MAP3K10: variants seen among roughly 807,000 people sequenced by gnomAD.
MAP3K10 encodes the protein MKN28 derived nonreceptor_type serine/threonine kinase.
Under a neutral mutation model 75.0 loss-of-function variants are expected in MAP3K10, and 22 were observed. The ratio of observed to expected loss-of-function variants is 0.29; its 90% CI spans 0.21 to 0.42. The LOEUF (loss-of-function observed/expected upper bound fraction) is 0.42, where lower values mean the gene tolerates loss of function less well. Ranked by LOEUF, MAP3K10 falls within the 10% of genes least tolerant of loss-of-function variation. The pLI is 1.00. For synonymous variants in MAP3K10, 599 were observed against 612.9 expected (o/e 0.98, Z 0.34); for missense variants, 1,165 against 1,379.8 (o/e 0.84, Z 2.47).
intron 2 of MAP3K10, among the ~76,000 whole-genome samples, chr19:40,199,311 T>C (rs2145075300): frequency 6.6e-6 from 1 of 152,306 alleles, no homozygotes. Context: ...TTTATAAAGC[T>C]GTTTTTTAAG....
chr19:40,197,515 G>A (rs1972929002), intron 1 of MAP3K10, among the ~76,000 whole-genome samples: 1 of 151,994 alleles, frequency 6.6e-6, no homozygotes, highest in Non-Finnish European at 1.5e-5. Context: ...TAGTAGAGAT[G>A]AGGTTTCACC....
In MAP3K10 at chr19:40,203,414, C is replaced by T. The variant is rs190472537; in HGVS notation, c.864-1071C>T. On this transcript the variant is annotated intron_variant, in intron 2 of 9. Coordinates refer to ENST00000253055, the MANE Select transcript of MAP3K10 (RefSeq NM_002446.4). The stretch of plus-strand genomic sequence containing the variant: ...GGGATCTACTCCAGGATAAACACCA[C>T]ACAGAATGGCCATCAGGATCTGGGA... Among the ~76,000 whole-genome samples, 83 of 152,226 alleles carry T rather than the reference C, an allele frequency of 5.5e-4. 1 individual carries two copies. Among genetic ancestry groups the T allele is most frequent in the Admixed American group, 5.4e-3 (82 of 15,294 alleles).
intron 5 of MAP3K10, among the ~76,000 whole-genome samples, chr19:40,208,602 C>A (rs912448815): frequency 2.6e-5 from 4 of 151,074 alleles, no homozygotes; most frequent in Non-Finnish European, 5.9e-5. Context: ...CTTTGGGAGG[C>A]GGATGCTGGA....
At position 40,214,095 on chromosome 19, in the gene MAP3K10, C is replaced by A. The variant is rs1018151991; in HGVS notation, c.2416C>A (p.Pro806Thr). 2 of 1,566,064 alleles carry A rather than the reference C, an allele frequency of 1.3e-6. No individual in the cohort carries two copies. The highest frequency in any genetic ancestry group is 1.7e-6 in the Non-Finnish European group (2 of 1,164,342). Residue 806 changes from proline to threonine, a missense_variant, in exon 9 of 10, where the codon CCC (proline) becomes ACC (threonine). Around this residue, in one of 2 missense-constraint regions of MAP3K10, gnomAD observed 590 missense variants for 586.6 expected, o/e 1.01. Coordinates refer to ENST00000253055, the MANE Select transcript of MAP3K10 (RefSeq NM_002446.4). ...GGAGCTGGAGAGCTTCAAGAAGGAC[C>A]CCCGCCAGTCGCTCACGCCCACCCA... The part of the protein sequence containing the change: ...DLELESFKKD[P>T]RQSLTPTHVT...
chr19:40,195,471 C>CTTT lies in MAP3K10; in HGVS notation c.682+2793_682+2795dup, dbSNP rs61289931. Among the ~76,000 whole-genome samples, 388 of 48,636 alleles carry CTTT rather than the reference C, an allele frequency of 8.0e-3. 116 individuals are homozygous for CTTT. The highest frequency in any genetic ancestry group is 9.8e-3 in the Non-Finnish European group (223 of 22,790). The allele number at this position is 48,636 out of a possible 152,430, so 31.9% of individuals were successfully genotyped here. On this transcript the variant is annotated intron_variant, in intron 1 of 9. Transcript: ENST00000253055. ...GAGGTAACACTGAAGCCCGCCCGGC[C>CTTT]TTTTTTTTTTTTTTTTTTTTTTTTT... is the stretch of plus-strand genomic sequence containing the variant.
chr19:40,193,724 C>G (rs1972857486), intron 1 of MAP3K10, among the ~76,000 whole-genome samples: 1 of 152,176 alleles, frequency 6.6e-6, no homozygotes, highest in Non-Finnish European at 1.5e-5. Context: ...TGTGCCCCAT[C>G]TCACTCCCTT....
Position 40,213,601 on chromosome 19 carries a change from C to G in MAP3K10, c.1922C>G (p.Pro641Arg). Reference protein sequence around the residue: ...STPSYLSVPLPAEPSPGARAP... With the variant: ...STPSYLSVPLRAEPSPGARAP... ...CCGTCCTACCTCTCAGTGCCACTGC[C>G]TGCCGAGCCCTCCCCGGGGGCGCGG... The change falls in exon 9 of 10, where the codon CCT becomes CGT. Residue 641 changes from proline (P) to arginine (R), a missense_variant. Pro to Arg is a moderately radical substitution (Grantham distance 103, BLOSUM62 -2). Around this residue, in one of 2 missense-constraint regions of MAP3K10, gnomAD observed 590 missense variants for 586.6 expected, o/e 1.01. Coordinates refer to ENST00000253055, the MANE Select transcript of MAP3K10 (RefSeq NM_002446.4). This position sits in a 1 kb window ranked among gnomAD's most constrained non-coding sequence, Gnocchi z 5.7. The G allele has an allele frequency of 6.3e-7, 1 of 1,591,560 alleles. No homozygotes were observed.
At position 40,213,656 on chromosome 19, in the gene MAP3K10, C is replaced by T. The variant is rs549573511; in HGVS notation, c.1977C>T (p.Pro659=). Residue 659 remains proline, a synonymous_variant, in exon 9 of 10, where the codon CCC becomes CCT. Transcript: ENST00000253055. The surrounding 1 kb of genome is among the most constrained non-coding windows in gnomAD (Gnocchi z 5.7). The part of the protein sequence containing the change: ...RAPWEPTPSA[P]PARWGHGARR... Reference sequence around the variant, plus strand: ...CGTGGGAGCCGACGCCGTCCGCGCCCCCCGCTCGGTGGGGACACGGCGCCC... The same window carrying T: ...CGTGGGAGCCGACGCCGTCCGCGCCTCCCGCTCGGTGGGGACACGGCGCCC... 315 of 1,280,182 alleles carry T rather than the reference C, an allele frequency of 2.5e-4. 5 individuals are homozygous for T. In the South Asian group the frequency reaches 5.3e-3, roughly 22 times the overall value. 79.3% of individuals were successfully genotyped at this position (1,280,182 alleles called of 1,614,324 possible).
At position 40,213,042 on chromosome 19, in the gene MAP3K10, G is replaced by A. The variant is rs1973269771; in HGVS notation, c.1725-34G>A. 6.2e-7 allele frequency: 1 copy of A among 1,600,510 alleles called. No homozygotes were observed. Among genetic ancestry groups the A allele is most frequent in the Non-Finnish European group, 8.5e-7 (1 of 1,172,520 alleles). On this transcript the variant is annotated intron_variant, in intron 7 of 9. Coordinates refer to ENST00000253055, the MANE Select transcript of MAP3K10 (RefSeq NM_002446.4). The surrounding 1 kb of genome is among the most constrained non-coding windows in gnomAD (Gnocchi z 5.7). Reference sequence around the variant, plus strand: ...CCAGCTCCCAGGCTCCAGGCCACAGGACTGAGGTCTCCATCTCTCCCTGGA... The same window carrying A: ...CCAGCTCCCAGGCTCCAGGCCACAGAACTGAGGTCTCCATCTCTCCCTGGA...
intron 5 of MAP3K10, among the ~76,000 whole-genome samples, chr19:40,207,749 A>T (rs1054786615): frequency 1.4e-4 from 21 of 152,272 alleles, no homozygotes; most frequent in South Asian, 4.1e-4. Flanking sequence ...AAATATATAT[A>T]TTTTTTAATT....
chr19:40,211,260 T>C (rs1973232505), intron 6 of MAP3K10, among the ~76,000 whole-genome samples: 1 of 151,148 alleles, frequency 6.6e-6, no homozygotes, highest in Non-Finnish European at 1.5e-5. Flanking sequence ...CAGGGAGTTC[T>C]CAGGGGTCAG....
At chr19:40,202,339 C>G (rs1973041982) in intron 2 of MAP3K10, among the ~76,000 whole-genome samples, 1 of 152,200 alleles carries the variant, frequency 6.6e-6, no homozygotes, top group Admixed American at 6.5e-5. Flanking sequence ...CGCGCCCGGC[C>G]TCATTTTCTT....
Position 40,205,699 on chromosome 19 carries a change from G to T in MAP3K10, c.1189-212G>T. The T allele has an allele frequency of 1.8e-6, 1 of 543,098 alleles. No individual in the cohort carries two copies. The highest frequency in any genetic ancestry group is 3.0e-5 in the South Asian group (1 of 32,862). The allele number at this position is 543,098 out of a possible 1,614,324, so 33.6% of individuals were successfully genotyped here. A position where few individuals can be genotyped will look rare whatever the true frequency, so the allele number is the denominator to read the frequency against. ...AAATTGAAGAGTTAAGAAAGAAAAA[G>T]AAAGAAAAAGCACCCCTTTCTTTGA... On this transcript the variant is annotated intron_variant, in intron 4 of 9. Coordinates refer to ENST00000253055, the MANE Select transcript of MAP3K10 (RefSeq NM_002446.4). The surrounding 1 kb of genome is among the most constrained non-coding windows in gnomAD (Gnocchi z 4.3).
At position 40,212,873 on chromosome 19, in the gene MAP3K10, G is replaced by C; in HGVS notation, c.1621G>C (p.Gly541Arg). 6.2e-7 allele frequency: 1 copy of C among 1,611,876 alleles called. No homozygotes were observed. Among genetic ancestry groups the C allele is most frequent in the Non-Finnish European group, 8.5e-7 (1 of 1,179,372 alleles). ...SSGGSGTWSR[G>R]GPPKKEELVG... Reference sequence around the variant, plus strand: ...TGGAGGAAGTGGGACATGGAGCCGCGGTGGGCCCCCAAAGAAGGAAGAACT... The same window carrying C: ...TGGAGGAAGTGGGACATGGAGCCGCCGTGGGCCCCCAAAGAAGGAAGAACT... The change falls in exon 7 of 10, where the codon GGT (glycine) becomes CGT (arginine). Residue 541 changes from glycine (G) to arginine (R), a missense_variant. By Grantham distance (125) the Gly-to-Arg change is moderately radical. Around this residue, in one of 2 missense-constraint regions of MAP3K10, gnomAD observed 575 missense variants for 793.2 expected, o/e 0.72. Coordinates refer to ENST00000253055, the MANE Select transcript of MAP3K10 (RefSeq NM_002446.4). This position sits in a 1 kb window ranked among gnomAD's most constrained non-coding sequence, Gnocchi z 4.2.
At chr19:40,201,383 C>T (rs2356229) in intron 2 of MAP3K10, among the ~76,000 whole-genome samples, 112,997 of 151,390 alleles carry the variant, frequency 0.75, 42,283 homozygotes, top group African/African-American at 0.78. Context: ...TCAGTAGAGA[C>T]GGGGTTTCAC....
chr19:40,201,329 G>A (rs1434688332), intron 2 of MAP3K10, among the ~76,000 whole-genome samples: 1 of 150,248 alleles, frequency 6.7e-6, no homozygotes, highest in Non-Finnish European at 1.5e-5. Flanking sequence ...CATGCCACCA[G>A]GCCCAGCTAA....
rs765462416 is a variant in MAP3K10, at chr19:40,205,820, G to A, written c.1189-91G>A. ...ACCCCACAGCAAGGTACCCTTGTGTGAGGCACCAACCAGACGCAGCAGCCC... is the reference window on the plus strand; with the variant it reads ...ACCCCACAGCAAGGTACCCTTGTGTAAGGCACCAACCAGACGCAGCAGCCC... On this transcript the variant is annotated intron_variant, in intron 4 of 9. Coordinates refer to ENST00000253055, the MANE Select transcript of MAP3K10 (RefSeq NM_002446.4). The surrounding 1 kb of genome is among the most constrained non-coding windows in gnomAD (Gnocchi z 4.3). The A allele has an allele frequency of 3.9e-5, 53 of 1,355,504 alleles. No individual in the cohort carries two copies. Among genetic ancestry groups the A allele is most frequent in the Non-Finnish European group, 5.2e-5 (53 of 1,025,540 alleles). 84.0% of individuals were successfully genotyped at this position (1,355,504 alleles called of 1,614,324 possible).
At chr19:40,206,268 C>A in intron 5 of MAP3K10, 111 bp downstream of exon 5, 2 of 1,321,130 alleles carry the variant, frequency 1.5e-6, no homozygotes, top group South Asian at 3.0e-5. Context: ...CTAAATATAT[C>A]GCACATAGTC....
Position 40,215,073 on chromosome 19 carries a change from C to G in MAP3K10, c.2646C>G (p.Thr882=). Reference sequence around the variant, plus strand: ...TCCCAGGCCGCCCCACCACCCTGACCTTTGCCCCGAGACCTCGGCCGGCTG... The same window carrying G: ...TCCCAGGCCGCCCCACCACCCTGACGTTTGCCCCGAGACCTCGGCCGGCTG... The part of the protein sequence containing the change: ...PEFPGRPTTL[T]FAPRPRPAAS... The change falls in exon 10 of 10, where the codon ACC becomes ACG. Residue 882 remains threonine (T), a synonymous_variant. Transcript: ENST00000253055. The G allele has an allele frequency of 6.2e-7, 1 of 1,610,714 alleles. No homozygotes were observed. The highest frequency in any genetic ancestry group is 1.1e-5 in the South Asian group (1 of 90,942).
Sources: allele counts gnomAD v4.1 joint callset (sites outside exome capture counted in the v4.1 genomes callset), GRCh38; gene constraint gnomAD v4.1.1; regional missense constraint gnomAD v4.1.1; non-coding constraint Gnocchi (gnomAD v3.1); transcripts MANE v1.5; gene names NCBI Gene and HGNC (gene_info 2026-07-23, HGNC 2026-07-21).